The following COL25A1 variants were observed in gnomAD, a reference collection of about 807,000 sequenced individuals.
COL25A1 encodes collagen type XXV alpha 1 chain, also known as collagen alpha-1(XXV) chain.
A neutral mutation model predicts 128.4 loss-of-function variants in COL25A1; 103 were observed. The ratio of observed to expected loss-of-function variants is 0.80; its 90% CI spans 0.68 to 0.94. The LOEUF is 0.94. COL25A1 is among the 40% of genes least tolerant of loss of function. COL25A1 has a pLI of 0.00. For synonymous variants in COL25A1, 279 were observed against 277.2 expected (o/e 1.01, Z -0.06); for missense variants, 745 against 840.0 (o/e 0.89, Z 1.40).
intron 3 of COL25A1, among the ~76,000 whole-genome samples, chr4:109,177,141 T>C (rs1426156225): frequency 6.6e-6 from 1 of 152,032 alleles, no homozygotes; most frequent in Non-Finnish European, 1.5e-5. Flanking sequence ...AATTGGAAAA[T>C]AATATTCTTG....
At chr4:109,194,345 T>C (rs538949105) in intron 3 of COL25A1, among the ~76,000 whole-genome samples, 31 of 152,354 alleles carry the variant, frequency 2.0e-4, no homozygotes, top group African/African-American at 7.5e-4. Flanking sequence ...TAGTGTCATG[T>C]ATATCATAAG....
At chr4:109,052,100 C>T (rs1761053938) in intron 3 of COL25A1, among the ~76,000 whole-genome samples, 2 of 152,074 alleles carry the variant, frequency 1.3e-5, no homozygotes, top group African/African-American at 2.4e-5. Flanking sequence ...CCATTTTCTC[C>T]CTGAAGAATG....
At chr4:109,250,397 T>C (rs554755750) in intron 3 of COL25A1, among the ~76,000 whole-genome samples, 14 of 54,862 alleles carry the variant, frequency 2.6e-4, no homozygotes, top group Middle Eastern at 0.01. Context: ...CACACACACA[T>C]ATGGGGAGAG....
intron 3 of COL25A1, among the ~76,000 whole-genome samples, chr4:109,216,856 G>C (rs1352534838): frequency 6.6e-6 from 1 of 152,074 alleles, no homozygotes; most frequent in Admixed American, 6.6e-5. Context: ...TAAGGGAAGG[G>C]TCTCAAAAAC....
intron 3 of COL25A1, among the ~76,000 whole-genome samples, chr4:109,197,414 T>TTATATATTATATATAAATATTATATATTA (rs1423051376): frequency 5.1e-4 from 64 of 125,092 alleles, no homozygotes; most frequent in Non-Finnish European, 9.1e-4. Context: ...AAAATATATA[T>TTATATATTATATATAAATATTATATATTA]TATATATTAT....
rs1467322750 is a variant in COL25A1, at chr4:108,841,466, T to C, written c.1656+229A>G. Among the ~76,000 whole-genome samples, 8 of 152,292 alleles carry C rather than the reference T, an allele frequency of 5.3e-5. No individual in the cohort carries two copies. In the East Asian group the frequency reaches 1.2e-3, roughly 22 times the overall value. The stretch of plus-strand genomic sequence containing the variant: ...ATTTGTAATTTGAGAGGTTACATAG[T>C]GACCAGGAAAAAGGCAAAATGAAGA... On this transcript the variant is annotated intron_variant, in intron 31 of 37. Transcript: ENST00000399132.
intron 3 of COL25A1, among the ~76,000 whole-genome samples, chr4:109,073,197 C>T (rs1474981405): frequency 6.6e-6 from 1 of 152,012 alleles, no homozygotes; most frequent in Non-Finnish European, 1.5e-5. Flanking sequence ...GGAGGGGAGG[C>T]ATGGTGGAGG....
intron 5 of COL25A1, among the ~76,000 whole-genome samples, chr4:109,030,684 T>A (rs1428462065): frequency 6.6e-6 from 1 of 152,198 alleles, no homozygotes; most frequent in Non-Finnish European, 1.5e-5. Context: ...CATGGACATA[T>A]TAAAGTCAGG....
intron 6 of COL25A1, among the ~76,000 whole-genome samples, chr4:108,987,447 C>T (rs1753763773): frequency 6.6e-6 from 1 of 151,236 alleles, no homozygotes; most frequent in African/African-American, 2.4e-5. Flanking sequence ...ATGATCTCTG[C>T]TCACTGCAAC....
chr4:108,822,043 A>ATTTTTTTTT (rs10567518), intron 35 of COL25A1, among the ~76,000 whole-genome samples: 4,063 of 89,274 alleles, frequency 0.046, 317 homozygotes, highest in African/African-American at 0.063. Flanking sequence ...CCTAATGGTA[A>ATTTTTTTTT]TTTTTTTTTT....
intron 3 of COL25A1, among the ~76,000 whole-genome samples, chr4:109,226,300 C>T (rs997821014): frequency 6.6e-6 from 1 of 152,096 alleles, no homozygotes. Flanking sequence ...GATGGTTACA[C>T]TAAAAGCTCA....
At chr4:108,927,733 T>C (rs1338097713) in intron 11 of COL25A1, among the ~76,000 whole-genome samples, 1 of 152,184 alleles carries the variant, frequency 6.6e-6, no homozygotes, top group Admixed American at 6.5e-5. Flanking sequence ...GAGGAAAATA[T>C]TAAGCCAGGA....
intron 24 of COL25A1, among the ~76,000 whole-genome samples, chr4:108,853,312 C>T (rs916433058): frequency 6.6e-6 from 1 of 151,834 alleles, no homozygotes. Context: ...ACTGAAATAC[C>T]CAATTGCATA....
chr4:109,070,485 A>G (rs971720587), intron 3 of COL25A1, among the ~76,000 whole-genome samples: 2 of 152,060 alleles, frequency 1.3e-5, no homozygotes, highest in African/African-American at 4.8e-5. Context: ...TACAAAATCC[A>G]TGATCCTGAT....
At chr4:109,087,171 T>C (rs1764473831) in intron 3 of COL25A1, among the ~76,000 whole-genome samples, 1 of 151,916 alleles carries the variant, frequency 6.6e-6, no homozygotes, top group Admixed American at 6.6e-5. Flanking sequence ...CCAAGAGCCA[T>C]GGCTGGACCC....
At chr4:108,988,319 A>G (rs1753844114) in intron 6 of COL25A1, among the ~76,000 whole-genome samples, 1 of 152,220 alleles carries the variant, frequency 6.6e-6, no homozygotes, top group African/African-American at 2.4e-5. Context: ...TTAACAATAC[A>G]TCGGGACCAA....
chr4:108,931,857 G>T (rs536157831), intron 11 of COL25A1, among the ~76,000 whole-genome samples: 1 of 152,322 alleles, frequency 6.6e-6, no homozygotes, highest in African/African-American at 2.4e-5. Context: ...GAAGAGCCCT[G>T]CAGGTGTGCC....
intron 13 of COL25A1, among the ~76,000 whole-genome samples, chr4:108,911,852 G>C (rs1744268216): frequency 7.1e-6 from 1 of 140,542 alleles, no homozygotes; most frequent in Admixed American, 7.5e-5. Flanking sequence ...TACTTCCTCA[G>C]CTACCCCTAT....
intron 11 of COL25A1, among the ~76,000 whole-genome samples, chr4:108,924,566 C>G (rs889983085): frequency 1.3e-5 from 2 of 152,082 alleles, no homozygotes; most frequent in Admixed American, 1.3e-4. Flanking sequence ...CTCTATGGTC[C>G]AGCCTTCTTC....
Sources: gnomAD v4.1 joint callset for allele counts (sites outside exome capture counted in the v4.1 genomes callset) on GRCh38, gnomAD v4.1.1 for gene constraint, MANE v1.5 for transcripts, NCBI Gene and HGNC (gene_info 2026-07-23, HGNC 2026-07-21) for gene names.